The following SIAH2 variants were observed in gnomAD, a reference collection of about 807,000 sequenced individuals.
SIAH2 encodes the protein siah E3 ubiquitin protein ligase 2, also known as E3 ubiquitin-protein ligase SIAH2.
A neutral mutation model predicts 20.4 loss-of-function variants in SIAH2; 4 were observed. The observed-to-expected ratio is 0.20, with a 90% CI of 0.10 to 0.45. The LOEUF (loss-of-function observed/expected upper bound fraction) is 0.45. SIAH2 is among the 20% of genes least tolerant of loss of function. The pLI, the probability that SIAH2 is intolerant of heterozygous loss-of-function variation, is 0.99. For missense variants in SIAH2, 259 were observed against 440.3 expected (o/e 0.59, Z 3.69); for synonymous variants, 171 against 192.5 (o/e 0.89, Z 0.93).
chr3:150,742,520 T>G lies in SIAH2; in HGVS notation c.596A>C (p.Gln199Pro). 6.2e-7 allele frequency: 1 copy of G among 1,614,126 alleles called. No individual in the cohort carries two copies. The highest frequency in any genetic ancestry group is 8.5e-7 in the Non-Finnish European group (1 of 1,179,982). ...AGCTAGAAAGACGATGTCTTCTCCC[T>G]GAAGGGTGGTAATGCTCTTGTGGGC... ...MHAHKSITTLQGEDIVFLATD... is the reference protein window; with the variant it reads ...MHAHKSITTLPGEDIVFLATD... Residue 199 changes from glutamine (Q) to proline (P), a missense_variant, in exon 2 of 2, where the codon CAG becomes CCG. Physicochemically the swap from Gln to Pro is moderately conservative, Grantham distance 76 (BLOSUM62 -1). This residue lies in a region of SIAH2 where 160 missense variants were observed against 327.6 expected (regional missense o/e 0.49). Transcript: ENST00000312960. The surrounding 1 kb of genome is among the most constrained non-coding windows in gnomAD (Gnocchi z 4.8).
chr3:150,757,662 A>G (rs1157198718), intron 1 of SIAH2, among the ~76,000 whole-genome samples: 3 of 152,034 alleles, frequency 2.0e-5, no homozygotes, highest in Non-Finnish European at 1.5e-5. Flanking sequence ...CAATGCTAGA[A>G]AAAAAATCGA....
At chr3:150,754,406 A>G (rs1168372306) in intron 1 of SIAH2, among the ~76,000 whole-genome samples, 1 of 152,194 alleles carries the variant, frequency 6.6e-6, no homozygotes, top group Non-Finnish European at 1.5e-5. Context: ...ACTCACTATC[A>G]TGAGAACAGC....
chr3:150,746,667 C>T (rs554780633), intron 1 of SIAH2, among the ~76,000 whole-genome samples: 3 of 152,310 alleles, frequency 2.0e-5, no homozygotes, highest in South Asian at 2.1e-4. Context: ...CCAAATGTCA[C>T]GTAGGGGGCA....
At chr3:150,760,488 C>T (rs1484210760) in intron 1 of SIAH2, among the ~76,000 whole-genome samples, 2 of 152,166 alleles carry the variant, frequency 1.3e-5, no homozygotes, top group Non-Finnish European at 2.9e-5. Context: ...GCCTGTTTCA[C>T]GTTAGGAAAG....
rs1714126077 is a variant in SIAH2 at position 150,742,902 on chromosome 3, T to C, written c.418-204A>G. ...CTGTCATGCATAAAATGAAGGGTAT[T>C]TCCTGAACCAGAAATACGCTGTTTT... On this transcript the variant is annotated intron_variant, in intron 1 of 1. Transcript: ENST00000312960. The surrounding 1 kb of genome is among the most constrained non-coding windows in gnomAD (Gnocchi z 4.8). 6.6e-6 allele frequency among the ~76,000 whole-genome samples: 1 copy of C among 152,184 alleles called. No homozygotes were observed. The highest frequency in any genetic ancestry group is 1.5e-5 in the Non-Finnish European group (1 of 68,034).
chr3:150,749,428 C>T (rs1168046628), intron 1 of SIAH2, among the ~76,000 whole-genome samples: 1 of 152,056 alleles, frequency 6.6e-6, no homozygotes, highest in Non-Finnish European at 1.5e-5. Context: ...TTGCTTGAGC[C>T]TGGGAGGTCA....
intron 1 of SIAH2, among the ~76,000 whole-genome samples, chr3:150,748,843 T>C (rs537818557): frequency 2.0e-5 from 3 of 152,324 alleles, no homozygotes; most frequent in Admixed American, 6.5e-5. Flanking sequence ...TGCATAACTC[T>C]AGAATGAGAA....
At chr3:150,756,034 G>A (rs973651518) in intron 1 of SIAH2, among the ~76,000 whole-genome samples, 2 of 152,194 alleles carry the variant, frequency 1.3e-5, no homozygotes, top group African/African-American at 4.8e-5. Context: ...ATGCTACACA[G>A]TCTAAAAATC....
rs552882480 is a variant in SIAH2 at position 150,759,332 on chromosome 3, C to A, written c.417+3101G>T. Among the ~76,000 whole-genome samples, 4 of 152,214 alleles carry A rather than the reference C, an allele frequency of 2.6e-5. No homozygotes were observed. The East Asian group carries it at 7.7e-4, about 29-fold the overall frequency. ...AAGCAGTCCAGAGCTGTGATGATAC[C>A]CCACAAAATACTAGGTTTGTAGGTT... On this transcript the variant is annotated intron_variant, in intron 1 of 1. Transcript: ENST00000312960.
chr3:150,760,550 A>G (rs1423349431), intron 1 of SIAH2, among the ~76,000 whole-genome samples: 1 of 152,258 alleles, frequency 6.6e-6, no homozygotes, highest in Non-Finnish European at 1.5e-5. Context: ...GTGAAACTTC[A>G]TGCTCCATAT....
Position 150,762,228 on chromosome 3 carries a change from C to A in SIAH2, c.417+205G>T. 1 of 1,044,998 alleles carries A rather than the reference C, an allele frequency of 9.6e-7. No individual in the cohort carries two copies. The highest frequency in any genetic ancestry group is 1.3e-6 in the Non-Finnish European group (1 of 750,002). 64.7% of individuals were successfully genotyped at this position (1,044,998 alleles called of 1,614,324 possible). On this transcript the variant is annotated intron_variant, in intron 1 of 1. Transcript: ENST00000312960. This position sits in a 1 kb window ranked among gnomAD's most constrained non-coding sequence, Gnocchi z 6.6. ...AAATGCCAATTAATCTGTTAATTGT[C>A]TATTAACAATTATTACTCGGTAAAT...
chr3:150,753,568 C>G (rs942261313), intron 1 of SIAH2, among the ~76,000 whole-genome samples: 1 of 152,112 alleles, frequency 6.6e-6, no homozygotes, highest in African/African-American at 2.4e-5. Context: ...AAGCTGAAGC[C>G]GAATCACTTG....
At position 150,762,919 on chromosome 3, in the gene SIAH2, G is replaced by A. The variant is rs2108128918; in HGVS notation, c.-70C>T. 1.8e-6 allele frequency: 2 copies of A among 1,121,390 alleles called. No individual in the cohort carries two copies. Among genetic ancestry groups the A allele is most frequent in the South Asian group, 4.3e-5 (1 of 23,424 alleles). The allele number at this position is 1,121,390 out of a possible 1,614,324, so 69.5% of individuals were successfully genotyped here. A position where few individuals can be genotyped will look rare whatever the true frequency, so the allele number is the denominator to read the frequency against. ...GGGGCCGCCCGGGTCAAGGCGGTGC[G>A]CGCCCCGCGGGCAGCGAGCTCCGAG... On this transcript the variant is annotated 5_prime_UTR_variant, in exon 1 of 2. Coordinates refer to ENST00000312960, the MANE Select transcript of SIAH2 (RefSeq NM_005067.7). The surrounding 1 kb of genome is among the most constrained non-coding windows in gnomAD (Gnocchi z 6.6).
At chr3:150,747,704 G>A (rs1018296760) in intron 1 of SIAH2, among the ~76,000 whole-genome samples, 1 of 152,116 alleles carries the variant, frequency 6.6e-6, no homozygotes, top group African/African-American at 2.4e-5. Flanking sequence ...ACTTTGGGAG[G>A]TTGAGTCGGG....
chr3:150,741,996 C>G lies in SIAH2; in HGVS notation c.*145G>C, dbSNP rs1559934456. On this transcript the variant is annotated 3_prime_UTR_variant, in exon 2 of 2. Transcript: ENST00000312960. ...GTTAATGAACTTTGTTGGGTCGAAGCCAGATGGGACACTGCTGTTCAAACA... is the reference window on the plus strand; with the variant it reads ...GTTAATGAACTTTGTTGGGTCGAAGGCAGATGGGACACTGCTGTTCAAACA... 1.3e-6 allele frequency: 1 copy of G among 783,952 alleles called. No individual in the cohort carries two copies. The highest frequency in any genetic ancestry group is 2.0e-6 in the Non-Finnish European group (1 of 492,910). 48.6% of individuals were successfully genotyped at this position (783,952 alleles called of 1,614,324 possible). A position where few individuals can be genotyped will look rare whatever the true frequency, so the allele number is the denominator to read the frequency against.
chr3:150,750,769 G>A (rs1047940769), intron 1 of SIAH2, among the ~76,000 whole-genome samples: 10 of 152,138 alleles, frequency 6.6e-5, no homozygotes, highest in African/African-American at 2.2e-4. Context: ...GAAAACATGA[G>A]CACAGTTGTC....
chr3:150,747,505 G>GT (rs1251404241), intron 1 of SIAH2, among the ~76,000 whole-genome samples: 2 of 152,238 alleles, frequency 1.3e-5, no homozygotes, highest in Non-Finnish European at 2.9e-5. Context: ...AGGGCTGCCT[G>GT]TGTCTCCTGG....
chr3:150,762,435 T>C lies in SIAH2; in HGVS notation c.415A>G (p.Lys139Glu). ...ACGTGGGCTGTCCCTGGGCTTACCT[T>C]ACAGGGAAACAGGACTGCCGAGGCC... The part of the protein sequence containing the change: ...KVASAVLFPC[K>E]YATTGCSLTL... Residue 139 changes from lysine (K) to glutamate (E), a missense_variant and splice_region_variant, in exon 1 of 2, where the codon AAG (lysine) becomes GAG (glutamate). This residue lies in a region of SIAH2 where 160 missense variants were observed against 327.6 expected (regional missense o/e 0.49). Transcript: ENST00000312960. The surrounding 1 kb of genome is among the most constrained non-coding windows in gnomAD (Gnocchi z 6.6). 6.2e-7 allele frequency: 1 copy of C among 1,610,972 alleles called. No individual in the cohort carries two copies. Among genetic ancestry groups the C allele is most frequent in the Non-Finnish European group, 8.5e-7 (1 of 1,178,854 alleles).
At chr3:150,751,405 CAG>C in intron 1 of SIAH2, among the ~76,000 whole-genome samples, 1 of 150,552 alleles carries the variant, frequency 6.6e-6, no homozygotes, top group East Asian at 2.0e-4. Context: ...GCCTGGGTGA[CAG>C]AGAGAGACTC....
Sources: gnomAD v4.1 joint callset for allele counts (sites outside exome capture counted in the v4.1 genomes callset) on GRCh38, gnomAD v4.1.1 for gene constraint, gnomAD v4.1.1 regional missense constraint, Gnocchi (gnomAD v3.1) non-coding constraint, MANE v1.5 for transcripts, NCBI Gene and HGNC (gene_info 2026-07-23, HGNC 2026-07-21) for gene names.